MUSK: variants seen among roughly 807,000 people sequenced by gnomAD.
The protein encoded by MUSK is muscle associated receptor tyrosine kinase.
Under a neutral mutation model 88.7 loss-of-function variants are expected in MUSK, and 55 were observed. The observed-to-expected ratio is 0.62, with a 90% confidence interval of 0.50 to 0.78. The LOEUF is 0.78. MUSK is among the 30% of genes least tolerant of loss of function. The probability of loss-of-function intolerance (pLI) is 0.00; values close to 1 mark genes in which losing one functional copy is unlikely to be tolerated. For missense variants in MUSK, 1,015 were observed against 1,074.3 expected, an observed-to-expected ratio of 0.94 and a Z score of 0.77; for synonymous variants, 387 against 391.9, an observed-to-expected ratio of 0.99 and a Z score of 0.15.
chr9:110,800,389 T>C lies in MUSK; in HGVS notation c.2011T>C (p.Ser671Pro). The change falls in exon 15 of 15, where the codon TCC becomes CCC. Residue 671 changes from serine to proline, a missense_variant. Transcript: ENST00000374448. ...GDLNEFLRSM[S>P]PHTVCSLSHS... is the part of the protein sequence containing the mutation. ...CCTCAATGAGTTCCTCCGCAGCATG[T>C]CCCCTCACACCGTGTGCAGCCTCAG... 1 of 1,613,822 alleles carries C rather than the reference T, an allele frequency of 6.2e-7. No homozygotes were observed. The highest frequency in any genetic ancestry group is 8.5e-7 in the Non-Finnish European group (1 of 1,179,850).
At chr9:110,725,923 G>T (rs1291803545) in intron 5 of MUSK, among the ~76,000 whole-genome samples, 2 of 151,978 alleles carry the variant, frequency 1.3e-5, no homozygotes, top group African/African-American at 4.8e-5. Context: ...GATCCTAGTA[G>T]GCTAGGCGAG....
At chr9:110,689,934 A>G (rs1251757293) in intron 3 of MUSK, among the ~76,000 whole-genome samples, 1 of 95,038 alleles carries the variant, frequency 1.1e-5, no homozygotes, top group South Asian at 3.8e-4. Context: ...AATATAATAT[A>G]TAAATATATA....
At chr9:110,719,466 G>A (rs1409080487) in intron 5 of MUSK, among the ~76,000 whole-genome samples, 3 of 151,810 alleles carry the variant, frequency 2.0e-5, no homozygotes, top group African/African-American at 7.3e-5. Flanking sequence ...ACAAACTATA[G>A]AGCAATAGCA....
intron 5 of MUSK, among the ~76,000 whole-genome samples, chr9:110,719,638 C>G (rs2076785574): frequency 6.6e-6 from 1 of 152,000 alleles, no homozygotes; most frequent in South Asian, 2.1e-4. Flanking sequence ...AACACACTAA[C>G]AGTGAGGGAC....
chr9:110,729,346 AAAAAAG>A (rs2076934912), intron 5 of MUSK, among the ~76,000 whole-genome samples: 1 of 128,294 alleles, frequency 7.8e-6, no homozygotes, highest in African/African-American at 2.9e-5. Context: ...AAAAAAAAAG[AAAAAAG>A]AAAAAAAAAA....
chr9:110,764,582 T>G (rs952768452), intron 8 of MUSK, among the ~76,000 whole-genome samples: 2 of 149,298 alleles, frequency 1.3e-5, no homozygotes, highest in African/African-American at 4.9e-5. Flanking sequence ...ATATATAAAT[T>G]TAGATAGATA....
chr9:110,688,626 C>A (rs1000815391), intron 3 of MUSK, among the ~76,000 whole-genome samples: 2 of 151,914 alleles, frequency 1.3e-5, no homozygotes, highest in African/African-American at 4.8e-5. Context: ...CACACCAACA[C>A]CCCCGACAGG....
chr9:110,701,554 A>G (rs559497305), intron 5 of MUSK, among the ~76,000 whole-genome samples: 1 of 152,104 alleles, frequency 6.6e-6, no homozygotes, highest in African/African-American at 2.4e-5. Flanking sequence ...TGGCACAATC[A>G]TAGCTTACTA....
At chr9:110,791,353 C>T (rs1312361346) in intron 14 of MUSK, among the ~76,000 whole-genome samples, 10 of 120,470 alleles carry the variant, frequency 8.3e-5, no homozygotes, top group Non-Finnish European at 1.2e-4. Context: ...GGGTGACGGA[C>T]GCACCTGGAA....
chr9:110,754,242 C>T (rs955134111), intron 7 of MUSK, among the ~76,000 whole-genome samples: 9 of 152,182 alleles, frequency 5.9e-5, no homozygotes, highest in African/African-American at 1.9e-4. Flanking sequence ...AAAAGGTAAG[C>T]ATCCTTTTAC....
rs191073127 is a variant in MUSK at position 110,707,549 on chromosome 9, C to A, written c.628+10083C>A. Among the ~76,000 whole-genome samples, 322 of 152,242 alleles carry A rather than the reference C, an allele frequency of 2.1e-3. 1 individual carries two copies. The highest frequency in any genetic ancestry group is 7.5e-3 in the African/African-American group (312 of 41,554). On this transcript the variant is annotated intron_variant, in intron 5 of 14. Coordinates refer to ENST00000374448, the MANE Select transcript of MUSK (RefSeq NM_005592.4). ...GATGGATGCTGGAGTGTATCAAGCT[C>A]TTGTTAATTGCATTTTCTATTATTA... is the stretch of plus-strand genomic sequence containing the variant.
In MUSK at chr9:110,764,557, TAAAC is replaced by T. The variant is rs1459984839; in HGVS notation, c.920+2353_920+2356del. Among the ~76,000 whole-genome samples the T allele has an allele frequency of 2.6e-5, 4 of 152,150 alleles. No homozygotes were observed. In the East Asian group the frequency reaches 5.8e-4, roughly 22 times the overall value. On this transcript the variant is annotated intron_variant, in intron 8 of 14. Coordinates refer to ENST00000374448, the MANE Select transcript of MUSK (RefSeq NM_005592.4). ...ACTGAAACTATAGGTAGTTGATAGA[TAAAC>T]AAATTCAGATATATATAAATTTAGA...
intron 8 of MUSK, among the ~76,000 whole-genome samples, chr9:110,766,120 G>A (rs913777638): frequency 1.3e-5 from 2 of 152,102 alleles, no homozygotes; most frequent in Admixed American, 6.5e-5. Flanking sequence ...CTGGGGGTGG[G>A]TAGAGTAAAT....
intron 5 of MUSK, among the ~76,000 whole-genome samples, chr9:110,705,275 C>G (rs764696104): frequency 1.3e-5 from 2 of 152,128 alleles, no homozygotes; most frequent in Non-Finnish European, 2.9e-5. Context: ...GTAATTGATT[C>G]CTATGTTGCT....
rs1587896951 is a variant in MUSK at position 110,687,101 on chromosome 9, T to C, written c.207-16T>C. The C allele has an allele frequency of 3.1e-6, 5 of 1,604,780 alleles. No individual in the cohort carries two copies. The highest frequency in any genetic ancestry group is 4.3e-6 in the Non-Finnish European group (5 of 1,174,280). On this transcript the variant is annotated splice_polypyrimidine_tract_variant and intron_variant, in intron 2 of 14. Coordinates refer to ENST00000374448, the MANE Select transcript of MUSK (RefSeq NM_005592.4). Reference sequence around the variant, plus strand: ...AGAGGAAGCACTAATCTGTCATTTTTTTCTGTGACCTGCAGACTCTTTGAC... The same window carrying C: ...AGAGGAAGCACTAATCTGTCATTTTCTTCTGTGACCTGCAGACTCTTTGAC...
At chr9:110,766,984 A>C (rs1204312867) in intron 8 of MUSK, among the ~76,000 whole-genome samples, 1 of 152,216 alleles carries the variant, frequency 6.6e-6, no homozygotes, top group African/African-American at 2.4e-5. Flanking sequence ...AGCATTTTCC[A>C]TTCTCCCAAT....
intron 7 of MUSK, among the ~76,000 whole-genome samples, chr9:110,755,953 CAT>C (rs1554750825): frequency 5.9e-4 from 42 of 70,674 alleles, no homozygotes; most frequent in African/African-American, 1.7e-3. Context: ...TATATATACA[CAT>C]ATATATATAC....
chr9:110,735,147 T>A (rs1322548589), intron 6 of MUSK, among the ~76,000 whole-genome samples: 1 of 152,094 alleles, frequency 6.6e-6, no homozygotes, highest in Admixed American at 6.6e-5. Context: ...GAAAACAGTA[T>A]GGCGGTTACT....
rs1266664621 is a variant in MUSK at position 110,755,941 on chromosome 9, T to TATACAC, written c.914-6258_914-6257insCACATA. Among the ~76,000 whole-genome samples the TATACAC allele has an allele frequency of 4.8e-4, 37 of 76,528 alleles. 1 individual carries two copies. The highest frequency in any genetic ancestry group is 1.9e-3 in the African/African-American group (32 of 16,860). 50.2% of individuals were successfully genotyped at this position (76,528 alleles called of 152,430 possible). ...AGTGCCATATATATATACATATATA[T>TATACAC]ATATATATACACATATATATATACA... On this transcript the variant is annotated intron_variant, in intron 7 of 14. Coordinates refer to ENST00000374448, the MANE Select transcript of MUSK (RefSeq NM_005592.4).
Sources: allele counts gnomAD v4.1 joint callset (sites outside exome capture counted in the v4.1 genomes callset), GRCh38; gene constraint gnomAD v4.1.1; transcripts MANE v1.5; gene names NCBI Gene and HGNC (gene_info 2026-07-23, HGNC 2026-07-21).